The following VWC2L variants were observed in gnomAD, a reference collection of about 807,000 sequenced individuals.
VWC2L encodes von Willebrand factor C domain-containing protein 2-like.
VWC2L carries 10 observed loss-of-function variants against 21.6 expected under a neutral mutation model. The ratio of observed to expected loss-of-function variants is 0.46; its 90% CI spans 0.29 to 0.78. The LOEUF (loss-of-function observed/expected upper bound fraction) is 0.78, where lower values mean the gene tolerates loss of function less well. Ranked by LOEUF, VWC2L falls within the 30% of genes least tolerant of loss-of-function variation. The pLI, the probability that VWC2L is intolerant of heterozygous loss-of-function variation, is 0.10. For missense variants in VWC2L, 209 were observed against 277.1 expected (o/e 0.75, Z 1.74); for synonymous variants, 96 against 94.3 (o/e 1.02, Z -0.10).
intron 2 of VWC2L, among the ~76,000 whole-genome samples, chr2:214,432,784 G>A (rs1702619173): frequency 6.6e-6 from 1 of 152,144 alleles, no homozygotes; most frequent in Non-Finnish European, 1.5e-5. Flanking sequence ...CACTTTGGGA[G>A]GCCAAGGTGG....
At chr2:214,470,807 G>A (rs570936746) in intron 3 of VWC2L, among the ~76,000 whole-genome samples, 30 of 150,854 alleles carry the variant, frequency 2.0e-4, no homozygotes, top group African/African-American at 7.1e-4. Context: ...CAGCTATTCA[G>A]GAGGGAGGCT....
At position 214,536,724 on chromosome 2, in the gene VWC2L, C is replaced by T. The variant is rs191990766; in HGVS notation, c.521-38948C>T. ...AAAATGTATATCTAATCTCTTCCTT[C>T]CATGCTTGAAATATTCCCAATTGTC... On this transcript the variant is annotated intron_variant, in intron 3 of 3. Coordinates refer to ENST00000312504, the MANE Select transcript of VWC2L (RefSeq NM_001080500.4). The T allele has an allele frequency of 2.0e-5, 3 of 152,116 alleles. No individual in the cohort carries two copies. In the East Asian group the frequency reaches 5.8e-4, roughly 29 times the overall value. 9.4% of individuals were successfully genotyped at this position (152,116 alleles called of 1,614,324 possible). A position where few individuals can be genotyped will look rare whatever the true frequency, so the allele number is the denominator to read the frequency against.
chr2:214,430,978 A>G (rs890383780), intron 2 of VWC2L, among the ~76,000 whole-genome samples: 2 of 152,246 alleles, frequency 1.3e-5, no homozygotes, highest in African/African-American at 2.4e-5. Context: ...AGAGGTCATC[A>G]CAATCTCATA....
chr2:214,496,886 G>A (rs1250257876), intron 3 of VWC2L, among the ~76,000 whole-genome samples: 1 of 152,100 alleles, frequency 6.6e-6, no homozygotes, highest in East Asian at 1.9e-4. Flanking sequence ...CAGAAATGGA[G>A]GTGTATTTGT....
chr2:214,573,603 G>A (rs1015128870), intron 3 of VWC2L, among the ~76,000 whole-genome samples: 11 of 152,114 alleles, frequency 7.2e-5, no homozygotes, highest in Admixed American at 5.9e-4. Context: ...AGAGAGGTCT[G>A]TCAACAACGG....
intron 3 of VWC2L, among the ~76,000 whole-genome samples, chr2:214,553,082 C>G (rs946601251): frequency 8.5e-5 from 13 of 152,208 alleles, no homozygotes; most frequent in African/African-American, 2.9e-4. Context: ...ATCCCCTCTT[C>G]TCCATTCTTA....
chr2:214,438,320 A>G (rs1402135655), intron 3 of VWC2L, among the ~76,000 whole-genome samples: 1 of 152,024 alleles, frequency 6.6e-6, no homozygotes, highest in Non-Finnish European at 1.5e-5. Context: ...CAAGGATAAA[A>G]GGAAGAAAAA....
intron 3 of VWC2L, among the ~76,000 whole-genome samples, chr2:214,457,950 G>T (rs950131507): frequency 6.6e-6 from 1 of 152,174 alleles, no homozygotes; most frequent in African/African-American, 2.4e-5. Flanking sequence ...TTCCTTGTCT[G>T]GTTTTGGTAT....
At chr2:214,455,908 G>C (rs1703048880) in intron 3 of VWC2L, among the ~76,000 whole-genome samples, 1 of 152,052 alleles carries the variant, frequency 6.6e-6, no homozygotes, top group South Asian at 2.1e-4. Context: ...ATTTCATTGT[G>C]TACAGATACC....
chr2:214,440,281 G>A lies in VWC2L; in HGVS notation c.520+3523G>A, dbSNP rs115672800. ...ATTTTTATTTGGTGAGAATTGGGGG[G>A]ATTGACATAGGAATTTATTGTTTCT... On this transcript the variant is annotated intron_variant, in intron 3 of 3. Transcript: ENST00000312504. Among the ~76,000 whole-genome samples the A allele has an allele frequency of 2.8e-3, 425 of 152,080 alleles. 1 individual carries two copies. Among genetic ancestry groups the A allele is most frequent in the African/African-American group, 9.9e-3 (412 of 41,548 alleles).
intron 3 of VWC2L, among the ~76,000 whole-genome samples, chr2:214,537,415 A>G (rs1217088754): frequency 6.6e-6 from 1 of 151,892 alleles, no homozygotes; most frequent in East Asian, 1.9e-4. Flanking sequence ...AATCAGTCAG[A>G]CACAAAAAGA....
intron 3 of VWC2L, among the ~76,000 whole-genome samples, chr2:214,486,517 C>A (rs917951025): frequency 2.6e-5 from 4 of 152,114 alleles, no homozygotes; most frequent in African/African-American, 9.7e-5. Flanking sequence ...CAGAACAGCC[C>A]CTTACTGCAC....
intron 2 of VWC2L, among the ~76,000 whole-genome samples, chr2:214,421,883 A>ATTTTTTTTTTTTTTTT (rs1574555783): frequency 1.8e-4 from 16 of 88,346 alleles, no homozygotes; most frequent in East Asian, 2.8e-4. Context: ...TATTTCCTAC[A>ATTTTTTTTTTTTTTTT]TCTTTTTTTT....
In VWC2L at chr2:214,575,736, T is replaced by C; in HGVS notation, c.585T>C (p.Cys195=). The change falls in exon 4 of 4, where the codon TGT becomes TGC. Residue 195 remains cysteine (C), a synonymous_variant. Transcript: ENST00000312504. Reference sequence around the variant, plus strand: ...GCATTGAAGTGAAAGTGGACGAATGTAACATCTGTCATTGTCACAACGGGG... The same window carrying C: ...GCATTGAAGTGAAAGTGGACGAATGCAACATCTGTCATTGTCACAACGGGG... ...PAGIEVKVDE[C]NICHCHNGDW... 6.2e-7 allele frequency: 1 copy of C among 1,613,598 alleles called. No homozygotes were observed. Among genetic ancestry groups the C allele is most frequent in the Non-Finnish European group, 8.5e-7 (1 of 1,179,574 alleles).
In VWC2L at chr2:214,439,551, G is replaced by T. The variant is rs928780208; in HGVS notation, c.520+2793G>T. Among the ~76,000 whole-genome samples, 149 of 151,866 alleles carry T rather than the reference G, an allele frequency of 9.8e-4. 1 individual carries two copies. The highest frequency in any genetic ancestry group is 3.4e-4 in the Non-Finnish European group (23 of 67,826). ...TTAAATCTTCATAAATGGTTATTTT[G>T]GCGGGCAAGTAATTTTCAGTTTGCA... On this transcript the variant is annotated intron_variant, in intron 3 of 3. Transcript: ENST00000312504.
intron 3 of VWC2L, among the ~76,000 whole-genome samples, chr2:214,492,498 T>C (rs2126201724): frequency 6.6e-6 from 1 of 152,224 alleles, no homozygotes; most frequent in Middle Eastern, 3.4e-3. Context: ...CATAGACCAA[T>C]GTACCTGTGA....
At chr2:214,445,548 T>C (rs993481485) in intron 3 of VWC2L, among the ~76,000 whole-genome samples, 2 of 151,678 alleles carry the variant, frequency 1.3e-5, no homozygotes, top group Non-Finnish European at 2.9e-5. Context: ...TTATAGGTCA[T>C]ATATAGAGAG....
intron 3 of VWC2L, among the ~76,000 whole-genome samples, chr2:214,451,718 T>C (rs1702957170): frequency 6.6e-6 from 1 of 152,182 alleles, no homozygotes; most frequent in South Asian, 2.1e-4. Flanking sequence ...TAATGGTTGC[T>C]AATTCCTTTT....
At chr2:214,562,458 A>G (rs1237910177) in intron 3 of VWC2L, among the ~76,000 whole-genome samples, 1 of 152,210 alleles carries the variant, frequency 6.6e-6, no homozygotes, top group Admixed American at 6.5e-5. Context: ...GAACATACGC[A>G]TGCATGTATC....
Sources: allele counts gnomAD v4.1 joint callset (sites outside exome capture counted in the v4.1 genomes callset), GRCh38; gene constraint gnomAD v4.1.1; transcripts MANE v1.5; gene names NCBI Gene and HGNC (gene_info 2026-07-23, HGNC 2026-07-21).